Variants in KIFC3 observed in about 807,000 individuals in gnomAD.
KIFC3 encodes kinesin family member C3.
Under a neutral mutation model 101.8 loss-of-function variants are expected in KIFC3, and 60 were observed. The observed-to-expected ratio is 0.59, with a 90% CI of 0.48 to 0.73. The LOEUF (loss-of-function observed/expected upper bound fraction) is 0.73. Among genes scored for constraint, KIFC3 ranks in the 30% least tolerant of loss-of-function variants. The probability of loss-of-function intolerance (pLI) is 0.00; values close to 1 mark genes in which losing one functional copy is unlikely to be tolerated. For missense variants in KIFC3, 966 were observed against 1,137.1 expected, an observed-to-expected ratio of 0.85 and a Z score of 2.16; for synonymous variants, 476 against 482.7, an observed-to-expected ratio of 0.99 and a Z score of 0.18.
Position 57,772,198 on chromosome 16 carries a change from C to T in KIFC3, c.381+25G>A, listed in dbSNP as rs183134030. 50 of 1,608,238 alleles carry T rather than the reference C, an allele frequency of 3.1e-5. No homozygotes were observed. The Admixed American group carries it at 3.8e-4, about 12-fold the overall frequency. ...ACAAGGCAGGCCAGGCCCTGCGCTA[C>T]CCCAGGACAGCCTTGTGGCCTCACC... is the stretch of plus-strand genomic sequence containing the variant. On this transcript the variant is annotated intron_variant, in intron 4 of 19. Transcript: ENST00000445690.
intron 3 of KIFC3, among the ~76,000 whole-genome samples, chr16:57,782,894 C>T (rs1300681058): frequency 2.0e-5 from 3 of 152,090 alleles, no homozygotes; most frequent in Non-Finnish European, 2.9e-5. Flanking sequence ...TGCAGTGAGC[C>T]GAGATTGCGC....
chr16:57,805,377 T>C (rs1221334943), upstream of KIFC3, among the ~76,000 whole-genome samples: 8 of 152,202 alleles, frequency 5.3e-5, no homozygotes, highest in Non-Finnish European at 8.8e-5. Flanking sequence ...ATGATTTGCA[T>C]AGGAGGCTGC....
At chr16:57,787,411 C>T (rs1339410487) in intron 3 of KIFC3, among the ~76,000 whole-genome samples, 1 of 152,354 alleles carries the variant, frequency 6.6e-6, no homozygotes, top group East Asian at 1.9e-4. Flanking sequence ...ACACTGCTCA[C>T]GCCACGGGAT....
At chr16:57,795,892 T>TG (rs1347114508) in intron 2 of KIFC3, among the ~76,000 whole-genome samples, 55,963 of 130,102 alleles carry the variant, frequency 0.43, 14,719 homozygotes, top group Non-Finnish European at 0.57. Flanking sequence ...TTGTTTTTTT[T>TG]TTTTTTTTTT....
chr16:57,813,201 G>A (rs1326500731), intron 1 of KIFC3, among the ~76,000 whole-genome samples: 2 of 152,012 alleles, frequency 1.3e-5, no homozygotes, highest in African/African-American at 2.4e-5. Flanking sequence ...AGTGGTGCAC[G>A]CCTGTGATCC....
At chr16:57,811,298 T>C (rs2055067100) in intron 1 of KIFC3, among the ~76,000 whole-genome samples, 1 of 152,206 alleles carries the variant, frequency 6.6e-6, no homozygotes, top group South Asian at 2.1e-4. Flanking sequence ...TACAACTCTG[T>C]AAATATACTA....
chr16:57,845,674 A>T (rs1281740675), intron 1 of KIFC3, among the ~76,000 whole-genome samples: 4 of 151,918 alleles, frequency 2.6e-5, no homozygotes, highest in African/African-American at 9.7e-5. Context: ...AGTTAAAATC[A>T]CAACTCACTC....
In KIFC3 at chr16:57,761,153, T is replaced by G. The variant is rs782322588; in HGVS notation, c.1891A>C (p.Thr631Pro). 6.2e-7 allele frequency: 1 copy of G among 1,613,892 alleles called. No individual in the cohort carries two copies. Among genetic ancestry groups the G allele is most frequent in the Admixed American group, 1.7e-5 (1 of 60,016 alleles). The change falls in exon 15 of 20, where the codon ACT (threonine) becomes CCT (proline). Residue 631 changes from threonine (T) to proline (P), a missense_variant. Physicochemically the swap from Thr to Pro is conservative, Grantham distance 38. Transcript: ENST00000445690. ...TTGGTGAACTCGGTCGTGCGATTAGTGTGGCCAAACTCAAACACCTGGGGG... is the reference window on the plus strand; with the variant it reads ...TTGGTGAACTCGGTCGTGCGATTAGGGTGGCCAAACTCAAACACCTGGGGG... ...DINKVFEFGH[T>P]NRTTEFTNLN...
At chr16:57,837,296 C>T (rs781796944) in intron 1 of KIFC3, among the ~76,000 whole-genome samples, 7 of 151,796 alleles carry the variant, frequency 4.6e-5, no homozygotes, top group Admixed American at 1.3e-4. Context: ...GGCGAAACCC[C>T]GTCTCTACTA....
At chr16:57,821,369 G>A (rs1019471692) in intron 1 of KIFC3, among the ~76,000 whole-genome samples, 34 of 152,146 alleles carry the variant, frequency 2.2e-4, no homozygotes, top group Admixed American at 1.9e-3. Flanking sequence ...GTAGCTTTGC[G>A]CAGGGACAGG....
intron 9 of KIFC3, 83 bp from the exon 10 acceptor site, chr16:57,767,068 C>T: frequency 9.7e-7 from 1 of 1,028,528 alleles, no homozygotes; most frequent in African/African-American, 1.6e-5. Context: ...GGGGTGCTCA[C>T]TGCCTCCTGC....
At position 57,759,899 on chromosome 16, in the gene KIFC3, G is replaced by A. The variant is rs547617835; in HGVS notation, c.2368-63C>T. The A allele has an allele frequency of 4.4e-4, 571 of 1,287,970 alleles. 10 individuals carry two copies. In the South Asian group the frequency reaches 7.4e-3, roughly 17 times the overall value. The allele number at this position is 1,287,970 out of a possible 1,614,324, so 79.8% of individuals were successfully genotyped here. A position where few individuals can be genotyped will look rare whatever the true frequency, so the allele number is the denominator to read the frequency against. On this transcript the variant is annotated intron_variant, in intron 17 of 19. Transcript: ENST00000445690. The stretch of plus-strand genomic sequence containing the variant: ...CTGCCCTGGCTCCCCACCCTGCTGT[G>A]CTTCTCTCTACTCCCCTGCCCTGCC...
At chr16:57,833,970 C>G (rs1351142777) in intron 1 of KIFC3, among the ~76,000 whole-genome samples, 3 of 142,524 alleles carry the variant, frequency 2.1e-5, no homozygotes, top group Non-Finnish European at 3.0e-5. Flanking sequence ...TCAAGCAATT[C>G]TCCTGCCTCA....
Position 57,793,148 on chromosome 16 carries a change from G to A in KIFC3, c.315+1851C>T, listed in dbSNP as rs141705713. Among the ~76,000 whole-genome samples the A allele has an allele frequency of 9.3e-3, 1,391 of 149,376 alleles. 21 individuals carry two copies. Among genetic ancestry groups the A allele is most frequent in the African/African-American group, 0.031 (1,246 of 40,568 alleles). On this transcript the variant is annotated intron_variant, in intron 3 of 19. Transcript: ENST00000445690. The stretch of plus-strand genomic sequence containing the variant: ...CTAAAAATACAAAAATTAGCCAGGT[G>A]TGGTGGCACATGCCTGTAGTCCAGC...
upstream of KIFC3, among the ~76,000 whole-genome samples, chr16:57,808,252 G>A (rs1555627288): frequency 1.3e-5 from 2 of 152,098 alleles, no homozygotes; most frequent in African/African-American, 4.8e-5. Flanking sequence ...GATAATGGAC[G>A]TAAGCACCAG....
intron 16 of KIFC3, 82 bp from the exon 17 acceptor site, chr16:57,760,498 C>T (rs782698572): frequency 1.5e-5 from 23 of 1,517,210 alleles, no homozygotes; most frequent in Non-Finnish European, 1.9e-5. Context: ...CAGCTGGGGC[C>T]GTCAGAAGGC....
intron 1 of KIFC3, among the ~76,000 whole-genome samples, chr16:57,809,076 A>C (rs1381579614): frequency 6.6e-6 from 1 of 152,178 alleles, no homozygotes; most frequent in Non-Finnish European, 1.5e-5. Context: ...AGGATCGCTT[A>C]AGCCCAGGAG....
intron 3 of KIFC3, among the ~76,000 whole-genome samples, chr16:57,783,764 C>T (rs563054052): frequency 2.0e-5 from 3 of 152,134 alleles, no homozygotes; most frequent in Admixed American, 6.5e-5. Context: ...TGAGCTACCA[C>T]GCCCAGCCCA....
intron 1 of KIFC3, among the ~76,000 whole-genome samples, chr16:57,840,878 C>A (rs562005990): frequency 6.6e-6 from 1 of 152,296 alleles, no homozygotes; most frequent in South Asian, 2.1e-4. Flanking sequence ...TGGCCACCTC[C>A]CACCTTTGTC....
Sources: allele counts gnomAD v4.1 joint callset (sites outside exome capture counted in the v4.1 genomes callset), GRCh38; gene constraint gnomAD v4.1.1; transcripts MANE v1.5; gene names NCBI Gene and HGNC (gene_info 2026-07-23, HGNC 2026-07-21).